Variants in FCHO2 observed in about 807,000 individuals in gnomAD.
FCHO2 encodes the protein FCH and mu domain containing endocytic adaptor 2.
In FCHO2, 43 loss-of-function variants were observed where a neutral mutation model predicts 114.1. That is an observed-to-expected ratio of 0.38 (90% CI 0.30 to 0.49). FCHO2 has a LOEUF of 0.49. Ranked by LOEUF, FCHO2 falls within the 20% of genes least tolerant of loss-of-function variation. The probability of loss-of-function intolerance (pLI) is 0.97; values close to 1 mark genes in which losing one functional copy is unlikely to be tolerated. For synonymous variants in FCHO2, 293 were observed against 315.2 expected (o/e 0.93, Z 0.75); for missense variants, 807 against 950.4 (o/e 0.85, Z 1.98).
At chr5:72,972,568 C>G (rs1752616512) in intron 2 of FCHO2, among the ~76,000 whole-genome samples, 1 of 152,138 alleles carries the variant, frequency 6.6e-6, no homozygotes, top group Non-Finnish European at 1.5e-5. Context: ...TGAGACTTTG[C>G]TGAAGTTGCT....
chr5:73,019,729 T>C (rs1755510102), intron 8 of FCHO2, among the ~76,000 whole-genome samples: 1 of 152,116 alleles, frequency 6.6e-6, no homozygotes, highest in African/African-American at 2.4e-5. Context: ...CTTTATAGGG[T>C]GTCCAGCTGC....
At chr5:73,008,704 A>G (rs565569928) in intron 6 of FCHO2, among the ~76,000 whole-genome samples, 3 of 152,004 alleles carry the variant, frequency 2.0e-5, no homozygotes, top group African/African-American at 4.8e-5. Context: ...TTTTTCTGTG[A>G]TTTATTTGAC....
chr5:73,088,252 A>G lies in FCHO2; in HGVS notation c.*162A>G. Reference sequence around the variant, plus strand: ...ATCGCACTTTTAAAGTGAGTCATTGAAATAAATAGTACTGAAATGATTCTC... The same window carrying G: ...ATCGCACTTTTAAAGTGAGTCATTGGAATAAATAGTACTGAAATGATTCTC... On this transcript the variant is annotated 3_prime_UTR_variant, in exon 26 of 26. Coordinates refer to ENST00000430046, the MANE Select transcript of FCHO2 (RefSeq NM_138782.3). The G allele has an allele frequency of 1.3e-6, 1 of 790,754 alleles. No homozygotes were observed. Among genetic ancestry groups the G allele is most frequent in the Non-Finnish European group, 2.1e-6 (1 of 483,146 alleles). The allele number at this position is 790,754 out of a possible 1,614,324, so 49.0% of individuals were successfully genotyped here.
At chr5:73,076,156 G>T (rs559550788) in intron 20 of FCHO2, among the ~76,000 whole-genome samples, 2 of 152,230 alleles carry the variant, frequency 1.3e-5, no homozygotes, top group South Asian at 4.1e-4. Context: ...CTTGAAGGCA[G>T]GTGTGAACCT....
chr5:72,992,223 A>G (rs1753847743), intron 5 of FCHO2, among the ~76,000 whole-genome samples: 1 of 152,216 alleles, frequency 6.6e-6, no homozygotes, highest in Non-Finnish European at 1.5e-5. Context: ...GATGAAAAAA[A>G]TGAATTTGGA....
chr5:73,015,523 A>G (rs903617143), intron 6 of FCHO2, 103 bp from the exon 7 acceptor site: 4 of 646,320 alleles, frequency 6.2e-6, no homozygotes, highest in East Asian at 3.6e-5. Flanking sequence ...TCAGCCTCCC[A>G]AAGTGCTGGG....
At chr5:72,997,144 TG>T (rs1754163280) in intron 5 of FCHO2, 2 of 1,123,092 alleles carry the variant, frequency 1.8e-6, no homozygotes, top group African/African-American at 3.0e-5. Flanking sequence ...CCCACCATGA[TG>T]GGGTCCTGAG....
At chr5:73,041,060 T>A (rs1402510692) in intron 10 of FCHO2, among the ~76,000 whole-genome samples, 1 of 152,156 alleles carries the variant, frequency 6.6e-6, no homozygotes, top group Non-Finnish European at 1.5e-5. Context: ...AAAAAAGGAA[T>A]ACTTGTAAGC....
intron 11 of FCHO2, among the ~76,000 whole-genome samples, chr5:73,043,586 A>G (rs532274842): frequency 2.0e-5 from 3 of 152,352 alleles, no homozygotes; most frequent in Non-Finnish European, 2.9e-5. Flanking sequence ...AAAACTGGAA[A>G]CATCAAAGCA....
intron 11 of FCHO2, 184 bp from the exon 12 acceptor site, chr5:73,051,165 G>A (rs1028996407): frequency 4.4e-6 from 2 of 458,430 alleles, no homozygotes; most frequent in Non-Finnish European, 7.6e-6. Flanking sequence ...CCAGAGCATG[G>A]AGTGTGATTT....
intron 6 of FCHO2, among the ~76,000 whole-genome samples, chr5:73,015,083 A>G (rs1467431421): frequency 1.3e-5 from 2 of 151,284 alleles, no homozygotes; most frequent in Non-Finnish European, 1.5e-5. Context: ...CTCAAAAAAA[A>G]AAAAAAAAAA....
At chr5:73,026,328 G>A (rs767698948) in intron 8 of FCHO2, among the ~76,000 whole-genome samples, 2 of 152,024 alleles carry the variant, frequency 1.3e-5, no homozygotes, top group Non-Finnish European at 2.9e-5. Context: ...AACTTAGCTG[G>A]GTGTGGTGGT....
At chr5:72,960,679 A>G (rs572623140) in intron 1 of FCHO2, among the ~76,000 whole-genome samples, 10 of 152,322 alleles carry the variant, frequency 6.6e-5, no homozygotes, top group African/African-American at 2.2e-4. Flanking sequence ...TTGCTATGTA[A>G]TAATTAAAAT....
chr5:73,082,331 G>C (rs1055935861), intron 23 of FCHO2, among the ~76,000 whole-genome samples: 1 of 149,724 alleles, frequency 6.7e-6, no homozygotes, highest in African/African-American at 2.5e-5. Flanking sequence ...CAAGTCTATA[G>C]GAACAGGAAC....
chr5:73,005,014 G>A (rs898165911), intron 5 of FCHO2, among the ~76,000 whole-genome samples: 8 of 152,202 alleles, frequency 5.3e-5, no homozygotes, highest in African/African-American at 7.2e-5. Context: ...TAGTGTAAAC[G>A]GTAGAGCCAG....
rs151301877 is a variant in FCHO2, at chr5:73,068,747, C to T, written c.1547C>T (p.Ala516Val). ...AESSSSISSS[A>V]SLSAANTPTV... ...AGTTCTTCTTCTATCTCATCATCTGCTTCATTGAGTGCTGCCAATACTCCA... is the reference window on the plus strand; with the variant it reads ...AGTTCTTCTTCTATCTCATCATCTGTTTCATTGAGTGCTGCCAATACTCCA... The change falls in exon 19 of 26, where the codon GCT (alanine) becomes GTT (valine). Residue 516 changes from alanine (A) to valine (V), a missense_variant. Coordinates refer to ENST00000430046, the MANE Select transcript of FCHO2 (RefSeq NM_138782.3). 4,117 of 1,612,298 alleles carry T rather than the reference C, an allele frequency of 2.6e-3. 15 individuals are homozygous for T. Among genetic ancestry groups the T allele is most frequent in the Non-Finnish European group, 3.2e-3 (3,717 of 1,178,888 alleles).
At chr5:72,960,559 A>G (rs1239052770) in intron 1 of FCHO2, among the ~76,000 whole-genome samples, 1 of 152,192 alleles carries the variant, frequency 6.6e-6, no homozygotes, top group Non-Finnish European at 1.5e-5. Flanking sequence ...AAGATTATGT[A>G]ACTTTAAAAA....
At chr5:73,009,145 G>T (rs942953756) in intron 6 of FCHO2, among the ~76,000 whole-genome samples, 1 of 151,362 alleles carries the variant, frequency 6.6e-6, no homozygotes, top group Non-Finnish European at 1.5e-5. Flanking sequence ...CAAGAAGGAA[G>T]GGTTTAGGTA....
intron 1 of FCHO2, among the ~76,000 whole-genome samples, chr5:72,958,873 T>G (rs954093928): frequency 2.0e-5 from 3 of 152,234 alleles, no homozygotes; most frequent in Non-Finnish European, 4.4e-5. Context: ...TTAAAAGTTA[T>G]GTTTCGTTTT....
Sources: gnomAD v4.1 joint callset for allele counts (sites outside exome capture counted in the v4.1 genomes callset) on GRCh38, gnomAD v4.1.1 for gene constraint, MANE v1.5 for transcripts, NCBI Gene and HGNC (gene_info 2026-07-23, HGNC 2026-07-21) for gene names.